Variants in NALF1 observed in about 807,000 individuals in gnomAD.
NALF1 encodes family with sequence similarity 155 member A.
NALF1 carries 3 observed loss-of-function variants against 48.4 expected under a neutral mutation model. The ratio of observed to expected loss-of-function variants is 0.06; its 90% CI spans 0.03 to 0.16. The LOEUF is 0.16. Ranked by LOEUF, NALF1 falls within the 10% of genes least tolerant of loss-of-function variation. The pLI is 1.00. For synonymous variants in NALF1, 262 were observed against 245.7 expected, an observed-to-expected ratio of 1.07 and a Z score of -0.62; for missense variants, 526 against 571.5, an observed-to-expected ratio of 0.92 and a Z score of 0.81.
chr13:107,210,035 G>A (rs1002562489), intron 2 of NALF1, among the ~76,000 whole-genome samples: 3 of 151,016 alleles, frequency 2.0e-5, no homozygotes, highest in South Asian at 2.1e-4. Context: ...AGTAAACATC[G>A]TTTAATGGAT....
At chr13:107,244,003 T>C (rs556268771) in intron 1 of NALF1, among the ~76,000 whole-genome samples, 60 of 152,342 alleles carry the variant, frequency 3.9e-4, no homozygotes, top group African/African-American at 1.3e-3. Flanking sequence ...TCCTGGACTC[T>C]GCAGAAATTT....
chr13:107,789,736 C>T (rs923974674), intron 1 of NALF1, among the ~76,000 whole-genome samples: 1 of 152,140 alleles, frequency 6.6e-6, no homozygotes, highest in African/African-American at 2.4e-5. Flanking sequence ...GTGGCAAAAT[C>T]AGAACTGGCA....
At chr13:107,742,899 C>T (rs141861086) in intron 1 of NALF1, among the ~76,000 whole-genome samples, 20 of 152,266 alleles carry the variant, frequency 1.3e-4, no homozygotes, top group South Asian at 4.2e-4. Flanking sequence ...GTGGATGCTA[C>T]GGAGAATGTA....
intron 1 of NALF1, among the ~76,000 whole-genome samples, chr13:107,596,367 C>T (rs1878748098): frequency 6.6e-6 from 1 of 152,128 alleles, no homozygotes; most frequent in Non-Finnish European, 1.5e-5. Context: ...AAGACACACG[C>T]ACACATACGT....
chr13:107,823,464 T>A (rs1179799257), intron 1 of NALF1, among the ~76,000 whole-genome samples: 2 of 152,126 alleles, frequency 1.3e-5, no homozygotes, highest in Non-Finnish European at 2.9e-5. Context: ...TGAAGGCACA[T>A]CTCTTCACCA....
intron 1 of NALF1, among the ~76,000 whole-genome samples, chr13:107,382,014 T>C (rs1883448905): frequency 6.6e-6 from 1 of 152,218 alleles, no homozygotes; most frequent in African/African-American, 2.4e-5. Context: ...CTTTTTCTTC[T>C]ACCTCTCACC....
chr13:107,221,763 TG>T lies in NALF1; in HGVS notation c.916-11009del, dbSNP rs374864499. 5.8e-3 allele frequency among the ~76,000 whole-genome samples: 883 copies of T among 152,046 alleles called. 4 individuals are homozygous for T. The highest frequency in any genetic ancestry group is 0.021 in the African/African-American group (853 of 41,486). ...ACAGCAAAATGTAACAGAGACAGGG[TG>T]GGCTTTTAGGTCATTTTACCCTACA... On this transcript the variant is annotated intron_variant, in intron 1 of 2. Coordinates refer to ENST00000375915, the MANE Select transcript of NALF1 (RefSeq NM_001080396.3).
At chr13:107,823,964 T>C (rs892080740) in intron 1 of NALF1, among the ~76,000 whole-genome samples, 1 of 150,114 alleles carries the variant, frequency 6.7e-6, no homozygotes. Context: ...AAATTTTCAA[T>C]ATTACCATTG....
intron 1 of NALF1, among the ~76,000 whole-genome samples, chr13:107,578,121 C>T (rs904624500): frequency 3.3e-5 from 5 of 152,172 alleles, no homozygotes; most frequent in Non-Finnish European, 5.9e-5. Flanking sequence ...ATCCAATCTC[C>T]AGTCACTGGA....
intron 1 of NALF1, among the ~76,000 whole-genome samples, chr13:107,669,633 C>A (rs1378415591): frequency 5.3e-5 from 8 of 152,154 alleles, no homozygotes; most frequent in African/African-American, 1.4e-4. Flanking sequence ...AACACAACCA[C>A]ATTTTTCAGA....
At chr13:107,749,589 T>C in intron 1 of NALF1, among the ~76,000 whole-genome samples, 1 of 151,834 alleles carries the variant, frequency 6.6e-6, no homozygotes, top group East Asian at 1.9e-4. Flanking sequence ...TATAATATAC[T>C]ATGTAGTATA....
intron 1 of NALF1, among the ~76,000 whole-genome samples, chr13:107,276,658 T>A (rs1362992280): frequency 1.3e-5 from 2 of 152,174 alleles, no homozygotes; most frequent in Non-Finnish European, 2.9e-5. Flanking sequence ...ATATTCCATC[T>A]CATCTTTGTA....
chr13:107,621,377 A>G (rs1220553058), intron 1 of NALF1, among the ~76,000 whole-genome samples: 1 of 152,224 alleles, frequency 6.6e-6, no homozygotes, highest in African/African-American at 2.4e-5. Context: ...TCTAATATCT[A>G]TCAAGAAGCT....
intron 2 of NALF1, among the ~76,000 whole-genome samples, chr13:107,202,923 A>C (rs1158484788): frequency 6.6e-6 from 1 of 152,166 alleles, no homozygotes; most frequent in Non-Finnish European, 1.5e-5. Context: ...TGTTTCTGCA[A>C]TTGCTTGTTT....
At chr13:107,702,254 TA>T (rs11402680) in intron 1 of NALF1, among the ~76,000 whole-genome samples, 4 of 150,882 alleles carry the variant, frequency 2.7e-5, no homozygotes, top group African/African-American at 4.9e-5. Context: ...TTTCACTCTG[TA>T]AAAAAAAAGT....
At chr13:107,200,374 G>T (rs539251582) in intron 2 of NALF1, among the ~76,000 whole-genome samples, 6 of 152,250 alleles carry the variant, frequency 3.9e-5, no homozygotes, top group Admixed American at 2.0e-4. Flanking sequence ...AGCTCGGGGG[G>T]CGGTGGGAAA....
At chr13:107,455,020 G>T (rs1281096651) in intron 1 of NALF1, among the ~76,000 whole-genome samples, 5 of 152,166 alleles carry the variant, frequency 3.3e-5, no homozygotes. Flanking sequence ...AAGGGAGTGA[G>T]GTGATTGGAT....
At chr13:107,594,301 G>A (rs1487147513) in intron 1 of NALF1, among the ~76,000 whole-genome samples, 1 of 151,936 alleles carries the variant, frequency 6.6e-6, no homozygotes. Flanking sequence ...TGAAAATTAG[G>A]CACTCAACAA....
chr13:107,826,305 G>A (rs539985033), intron 1 of NALF1, among the ~76,000 whole-genome samples: 1,626 of 103,400 alleles, frequency 0.016, 17 homozygotes, highest in Non-Finnish European at 0.021. Context: ...GCATGTGCAC[G>A]TGTGTGTGTG....
Sources: allele counts gnomAD v4.1 joint callset (sites outside exome capture counted in the v4.1 genomes callset), GRCh38; gene constraint gnomAD v4.1.1; transcripts MANE v1.5; gene names NCBI Gene and HGNC (gene_info 2026-07-23, HGNC 2026-07-21).